AFF4: variants seen among roughly 807,000 people sequenced by gnomAD.
AFF4 encodes the protein ALF transcription elongation factor 4.
AFF4 carries 13 observed loss-of-function variants against 124.8 expected under a neutral mutation model. The observed-to-expected ratio is 0.10, with a 90% confidence interval of 0.07 to 0.17. The LOEUF (loss-of-function observed/expected upper bound fraction) is 0.17. AFF4 is among the 10% of genes least tolerant of loss of function. The pLI is 1.00. For synonymous variants in AFF4, 477 were observed against 496.1 expected, an observed-to-expected ratio of 0.96 and a Z score of 0.51; for missense variants, 1,092 against 1,403.8, an observed-to-expected ratio of 0.78 and a Z score of 3.55.
chr5:132,963,371 G>A lies in AFF4; in HGVS notation c.-117C>T. 4 of 397,588 alleles carry A rather than the reference G, an allele frequency of 1.0e-5. No homozygotes were observed. The highest frequency in any genetic ancestry group is 1.8e-5 in the Non-Finnish European group (4 of 225,274). The allele number at this position is 397,588 out of a possible 1,614,324, so 24.6% of individuals were successfully genotyped here. A position where few individuals can be genotyped will look rare whatever the true frequency, so the allele number is the denominator to read the frequency against. Reference sequence around the variant, plus strand: ...GAGCCCGCCCAGGGGGCGGTGACAGGCTGCCAAGGGCGAGGGGCTCCGGGA... The same window carrying A: ...GAGCCCGCCCAGGGGGCGGTGACAGACTGCCAAGGGCGAGGGGCTCCGGGA... On this transcript the variant is annotated 5_prime_UTR_variant, in exon 1 of 21. Transcript: ENST00000265343.
intron 5 of AFF4, among the ~76,000 whole-genome samples, chr5:132,919,899 A>G (rs936139070): frequency 6.6e-6 from 1 of 152,022 alleles, no homozygotes; most frequent in Non-Finnish European, 1.5e-5. Flanking sequence ...CCAGCTATGC[A>G]GGAAGCAGAG....
rs1002026295 is a variant in AFF4, at chr5:132,879,674, G to T, written c.*1385C>A. ...ACATGATAGGGGCATGAAAAATAAA[G>T]TATAGAGGGTACATTTCTTATCTTA... is the stretch of plus-strand genomic sequence containing the variant. On this transcript the variant is annotated 3_prime_UTR_variant, in exon 21 of 21. Transcript: ENST00000265343. 5.7e-5 allele frequency: 12 copies of T among 209,834 alleles called. No individual in the cohort carries two copies. The highest frequency in any genetic ancestry group is 2.7e-4 in the African/African-American group (12 of 44,060). The allele number at this position is 209,834 out of a possible 1,614,324, so 13.0% of individuals were successfully genotyped here.
chr5:132,934,726 G>A lies in AFF4; in HGVS notation c.339C>T (p.Pro113=), dbSNP rs143884299. Residue 113 remains proline, a synonymous_variant, in exon 3 of 21, where the codon CCC becomes CCT. Transcript: ENST00000265343. ...HQSSKWTPVG[P]APSTSQSQKR... The stretch of plus-strand genomic sequence containing the variant: ...TCTGAGACTGAGAAGTGCTGGGTGC[G>A]GGTCCTACTGGAGTCCATTTGCTAC... The A allele has an allele frequency of 5.7e-4, 928 of 1,614,014 alleles. 1 individual carries two copies. The highest frequency in any genetic ancestry group is 7.2e-4 in the Admixed American group (43 of 60,000).
chr5:132,937,268 C>CT, intron 1 of AFF4, 75 bp from the exon 2 acceptor site: 1 of 1,445,076 alleles, frequency 6.9e-7, no homozygotes, highest in Non-Finnish European at 9.2e-7. Context: ...ATTTTGTCAG[C>CT]TTAACACTTC....
Position 132,896,454 on chromosome 5 carries a change from T to A in AFF4, c.2176A>T (p.Ile726Leu). The change falls in exon 11 of 21, where the codon ATA becomes TTA. Residue 726 changes from isoleucine (I) to leucine (L), a missense_variant. Coordinates refer to ENST00000265343, the MANE Select transcript of AFF4 (RefSeq NM_014423.4). ...VKIDLNLLTR[I>L]PGKPYKETEP... ...GTTTCTTTGTAAGGCTTTCCTGGTATTCTAGTCAAAAGATTCAGGTCAATC... is the reference window on the plus strand; with the variant it reads ...GTTTCTTTGTAAGGCTTTCCTGGTAATCTAGTCAAAAGATTCAGGTCAATC... The A allele has an allele frequency of 6.2e-7, 1 of 1,614,238 alleles. No homozygotes were observed. Among genetic ancestry groups the A allele is most frequent in the Non-Finnish European group, 8.5e-7 (1 of 1,180,034 alleles).
At chr5:132,960,138 C>T (rs1269038536) in intron 1 of AFF4, among the ~76,000 whole-genome samples, 1 of 152,118 alleles carries the variant, frequency 6.6e-6, no homozygotes, top group East Asian at 1.9e-4. Flanking sequence ...AGTCACTACA[C>T]CTTCTTTCAC....
chr5:132,919,461 C>T (rs1270135184), intron 5 of AFF4, among the ~76,000 whole-genome samples: 1 of 152,120 alleles, frequency 6.6e-6, no homozygotes, highest in African/African-American at 2.4e-5. Context: ...TATGTACATA[C>T]AAGAGGATAA....
intron 1 of AFF4, among the ~76,000 whole-genome samples, chr5:132,946,638 A>T (rs1761702838): frequency 6.6e-6 from 1 of 152,210 alleles, no homozygotes; most frequent in Admixed American, 6.6e-5. Context: ...GCAAATTCAT[A>T]GAGACCGAAA....
chr5:132,959,866 G>A (rs550298482), intron 1 of AFF4, among the ~76,000 whole-genome samples: 6 of 141,060 alleles, frequency 4.3e-5, no homozygotes, highest in East Asian at 2.3e-4. Flanking sequence ...CTGGGTTCAC[G>A]CCATTCTGCT....
Position 132,888,122 on chromosome 5 carries a change from T to A in AFF4, c.2771A>T (p.Lys924Met). 2 of 1,611,302 alleles carry A rather than the reference T, an allele frequency of 1.2e-6. No homozygotes were observed. Among genetic ancestry groups the A allele is most frequent in the Non-Finnish European group, 8.5e-7 (1 of 1,178,304 alleles). ...SADHYLQEAK[K>M]LKHNADALSD... ...CAATGCATCTGCATTGTGCTTTAGC[T>A]TTTTTGCTTCTTGTAAATAATGGTC... The change falls in exon 15 of 21, where the codon AAG (lysine) becomes ATG (methionine). Residue 924 changes from lysine to methionine, a missense_variant. Around this residue, in one of 11 missense-constraint regions of AFF4, gnomAD observed 173 missense variants for 294.9 expected, o/e 0.59. Coordinates refer to ENST00000265343, the MANE Select transcript of AFF4 (RefSeq NM_014423.4).
chr5:132,932,679 C>T (rs1761328445), intron 3 of AFF4, among the ~76,000 whole-genome samples: 1 of 152,144 alleles, frequency 6.6e-6, no homozygotes, highest in Non-Finnish European at 1.5e-5. Flanking sequence ...TAAGTAACTC[C>T]TACGAGCTTA....
Position 132,881,673 on chromosome 5 carries a change from C to G in AFF4, c.3365-487G>C, listed in dbSNP as rs150899018. ...TCATATGCCATGAACCAACTGATAA[C>G]TAAATCCCATGTTTTTATTTATTTT... On this transcript the variant is annotated intron_variant, in intron 20 of 20. Transcript: ENST00000265343. 5.4e-3 allele frequency among the ~76,000 whole-genome samples: 827 copies of G among 152,272 alleles called. 5 individuals carry two copies. Among genetic ancestry groups the G allele is most frequent in the Middle Eastern group, 0.027 (8 of 294 alleles).
rs940673053 is a variant in AFF4 at position 132,898,487 on chromosome 5, T to C, written c.1227-95A>G. ...ACAACCAACTTTCTTTTTTTCTTCT[T>C]GTCTTTTTTTTTTTTAGACGGAGTC... On this transcript the variant is annotated intron_variant, in intron 9 of 20. Coordinates refer to ENST00000265343, the MANE Select transcript of AFF4 (RefSeq NM_014423.4). 6 of 1,329,712 alleles carry C rather than the reference T, an allele frequency of 4.5e-6. No individual in the cohort carries two copies. In the African/African-American group the frequency reaches 9.2e-5, roughly 20 times the overall value. The allele number at this position is 1,329,712 out of a possible 1,614,324, so 82.4% of individuals were successfully genotyped here.
At chr5:132,945,775 A>T (rs1761683155) in intron 1 of AFF4, among the ~76,000 whole-genome samples, 1 of 151,892 alleles carries the variant, frequency 6.6e-6, no homozygotes, top group African/African-American at 2.4e-5. Context: ...AATAAAAATA[A>T]ACAGGCCGGG....
intron 5 of AFF4, among the ~76,000 whole-genome samples, chr5:132,909,094 G>A (rs10479013): frequency 0.2 from 30,480 of 149,950 alleles, 3,393 homozygotes; most frequent in African/African-American, 0.28. Flanking sequence ...TTAGGGAAGC[G>A]GTTACTTCAT....
intron 3 of AFF4, among the ~76,000 whole-genome samples, chr5:132,932,514 G>A (rs1480800075): frequency 2.6e-5 from 4 of 152,132 alleles, no homozygotes; most frequent in Non-Finnish European, 5.9e-5. Flanking sequence ...CAGGTGTGCA[G>A]CTTGTCTAAA....
rs1760147214 is a variant in AFF4, at chr5:132,887,589, G to A, written c.2937C>T (p.Tyr979=). 3 of 1,612,232 alleles carry A rather than the reference G, an allele frequency of 1.9e-6. No homozygotes were observed. The highest frequency in any genetic ancestry group is 2.5e-6 in the Non-Finnish European group (3 of 1,178,362). ...MYSETVDLIK[Y]TMKLKNYLAP... is the part of the protein sequence containing the mutation. ...CCAAGTAATTCTTTAGCTTCATAGT[G>A]TATCTGTTGAGTTACAATAACAAAC... Residue 979 remains tyrosine, a synonymous_variant, in exon 17 of 21, where the codon TAC becomes TAT. Transcript: ENST00000265343.
intron 1 of AFF4, among the ~76,000 whole-genome samples, chr5:132,956,822 C>T (rs942937743): frequency 2.6e-5 from 4 of 151,120 alleles, no homozygotes; most frequent in Non-Finnish European, 5.9e-5. Flanking sequence ...GAGTTCAAGA[C>T]CAGCCTGACC....
rs375501684 is a variant in AFF4, at chr5:132,883,392, G to A, written c.3312C>T (p.Leu1104=). Residue 1104 remains leucine, a synonymous_variant, in exon 20 of 21, where the codon CTC becomes CTT. Coordinates refer to ENST00000265343, the MANE Select transcript of AFF4 (RefSeq NM_014423.4). ...CTTGGTCCCAAATTTCGGTGGCATA[G>A]AGGAAGTTGGATGTGACCTGAACAT... The part of the protein sequence containing the change: ...ASYVQVTSNF[L]YATEIWDQAE... 31 of 1,613,954 alleles carry A rather than the reference G, an allele frequency of 1.9e-5. No homozygotes were observed. In the African/African-American group the frequency reaches 3.9e-4, roughly 20 times the overall value.
Sources: gnomAD v4.1 joint callset for allele counts (sites outside exome capture counted in the v4.1 genomes callset) on GRCh38, gnomAD v4.1.1 for gene constraint, gnomAD v4.1.1 regional missense constraint, MANE v1.5 for transcripts, NCBI Gene and HGNC (gene_info 2026-07-23, HGNC 2026-07-21) for gene names.